Variants in CFAP61 observed in about 807,000 individuals in gnomAD.
CFAP61 encodes cilia- and flagella-associated protein 61.
CFAP61 carries 107 observed loss-of-function variants against 135.6 expected under a neutral mutation model. The observed-to-expected ratio is 0.79, with a 90% CI of 0.67 to 0.93. The LOEUF is 0.93. Ranked by LOEUF, CFAP61 falls within the 40% of genes least tolerant of loss-of-function variation. The probability of loss-of-function intolerance (pLI) is 0.00; values close to 1 mark genes in which losing one functional copy is unlikely to be tolerated. For synonymous variants in CFAP61, 575 were observed against 578.5 expected, an observed-to-expected ratio of 0.99 and a Z score of 0.09; for missense variants, 1,507 against 1,556.2, an observed-to-expected ratio of 0.97 and a Z score of 0.53.
chr20:20,229,622 C>T (rs754548531), intron 18 of CFAP61, among the ~76,000 whole-genome samples: 1 of 152,146 alleles, frequency 6.6e-6, no homozygotes, highest in Non-Finnish European at 1.5e-5. Context: ...GTGTATGTGC[C>T]TGGTTAACGT....
At chr20:20,329,717 C>T (rs747849025) in intron 25 of CFAP61, among the ~76,000 whole-genome samples, 1 of 152,232 alleles carries the variant, frequency 6.6e-6, no homozygotes, top group African/African-American at 2.4e-5. Context: ...TCCGACTGGA[C>T]GTTAGAGCAG....
rs1043427208 is a variant in CFAP61 at position 20,055,972 on chromosome 20, A to C, written c.-36-646A>C. ...CTGTTTTTGTCAACAGCATTTCCCA[A>C]AGTGTCCTTCTGGAACGTTAGGTTC... On this transcript the variant is annotated intron_variant, in intron 1 of 26. Coordinates refer to ENST00000245957, the MANE Select transcript of CFAP61 (RefSeq NM_015585.4). 6 of 1,611,008 alleles carry C rather than the reference A, an allele frequency of 3.7e-6. 1 individual carries two copies. The highest frequency in any genetic ancestry group is 2.2e-5 in the East Asian group (1 of 44,684).
chr20:20,347,823 C>A (rs1288317662), intron 26 of CFAP61, among the ~76,000 whole-genome samples: 1 of 151,326 alleles, frequency 6.6e-6, no homozygotes, highest in African/African-American at 2.4e-5. Context: ...ATCCCAGCTA[C>A]TCAGGAGGCT....
chr20:20,107,100 A>G (rs1277732160), intron 8 of CFAP61, among the ~76,000 whole-genome samples: 4 of 152,184 alleles, frequency 2.6e-5, no homozygotes, highest in African/African-American at 9.6e-5. Flanking sequence ...AGTGGGTCAC[A>G]CCCATTGCAC....
At chr20:20,206,753 C>CATATAT in intron 17 of CFAP61, among the ~76,000 whole-genome samples, 1 of 149,770 alleles carries the variant, frequency 6.7e-6, no homozygotes, top group South Asian at 2.1e-4. Flanking sequence ...ATATATATAC[C>CATATAT]ATATATATAT....
intron 17 of CFAP61, among the ~76,000 whole-genome samples, chr20:20,203,481 T>G (rs2056723163): frequency 6.6e-6 from 1 of 152,188 alleles, no homozygotes; most frequent in Non-Finnish European, 1.5e-5. Context: ...ATTTCTTTAA[T>G]TTTTAGTTTT....
chr20:20,151,107 G>T (rs1211128005), intron 9 of CFAP61, among the ~76,000 whole-genome samples: 1 of 151,746 alleles, frequency 6.6e-6, no homozygotes, highest in Non-Finnish European at 1.5e-5. Context: ...AGCTCCTCAA[G>T]GAGATACCAG....
chr20:20,244,437 A>G (rs1341555578), intron 18 of CFAP61, among the ~76,000 whole-genome samples: 1 of 152,204 alleles, frequency 6.6e-6, no homozygotes, highest in Non-Finnish European at 1.5e-5. Context: ...CACCACATGG[A>G]GGCTGCCAAG....
chr20:20,288,631 A>C lies in CFAP61; in HGVS notation c.2819A>C (p.Lys940Thr). 6.2e-7 allele frequency: 1 copy of C among 1,613,162 alleles called. No homozygotes were observed. Among genetic ancestry groups the C allele is most frequent in the South Asian group, 1.1e-5 (1 of 91,042 alleles). The change falls in exon 23 of 27, where the codon AAG becomes ACG. Residue 940 changes from lysine (K) to threonine (T), a missense_variant. Transcript: ENST00000245957. ...TAGATGTTCTTCAGCTTCTGTGAGA[A>C]GAATGTGGATTATGAAACGTTTAAA... is the stretch of plus-strand genomic sequence containing the variant. ...QCSMFFSFCEKNVDYETFKAL... is the reference protein window; with the variant it reads ...QCSMFFSFCETNVDYETFKAL...
chr20:20,250,266 A>G (rs1481430415), intron 19 of CFAP61, among the ~76,000 whole-genome samples: 1 of 152,192 alleles, frequency 6.6e-6, no homozygotes, highest in Non-Finnish European at 1.5e-5. Context: ...TACTCTTCAC[A>G]TACGCATCCT....
intron 24 of CFAP61, among the ~76,000 whole-genome samples, chr20:20,292,189 G>A (rs1003221417): frequency 1.3e-5 from 2 of 152,176 alleles, no homozygotes; most frequent in African/African-American, 4.8e-5. Context: ...GATTGCTGGG[G>A]AGCATACATA....
intron 15 of CFAP61, among the ~76,000 whole-genome samples, chr20:20,194,723 A>T (rs974091774): frequency 6.6e-6 from 1 of 152,184 alleles, no homozygotes; most frequent in African/African-American, 2.4e-5. Flanking sequence ...GGATGGCAGT[A>T]TCTGGCTTCC....
At chr20:20,174,897 C>T (rs1363473457) in intron 13 of CFAP61, among the ~76,000 whole-genome samples, 8 of 152,334 alleles carry the variant, frequency 5.3e-5, no homozygotes, top group South Asian at 4.1e-4. Context: ...CATCAGTTAG[C>T]CCGAGGTGGC....
At chr20:20,348,974 T>A (rs1257784757) in intron 26 of CFAP61, among the ~76,000 whole-genome samples, 1 of 152,112 alleles carries the variant, frequency 6.6e-6, no homozygotes, top group African/African-American at 2.4e-5. Context: ...ATATTCAGCA[T>A]GGTTTTGGAA....
intron 6 of CFAP61, chr20:20,085,464 C>T: frequency 7.3e-7 from 1 of 1,366,464 alleles, no homozygotes; most frequent in Non-Finnish European, 9.8e-7. Flanking sequence ...TGGGAAAGGG[C>T]TTAAGAGAGA....
At chr20:20,304,299 TGTGTGA>T (rs1485566079) in intron 25 of CFAP61, among the ~76,000 whole-genome samples, 14 of 149,858 alleles carry the variant, frequency 9.3e-5, no homozygotes, top group African/African-American at 2.8e-4. Flanking sequence ...TGTGTGTGTG[TGTGTGA>T]GAGAGAGAGA....
At chr20:20,265,676 T>C in intron 21 of CFAP61, 1 of 586,434 alleles carries the variant, frequency 1.7e-6, no homozygotes, top group East Asian at 2.9e-5. Context: ...ACCTCTCAGG[T>C]AGGTGCTCTT....
intron 16 of CFAP61, among the ~76,000 whole-genome samples, chr20:20,196,994 G>A (rs897767251): frequency 6.6e-6 from 1 of 152,170 alleles, no homozygotes; most frequent in Non-Finnish European, 1.5e-5. Flanking sequence ...ATAATTGGTA[G>A]TACAATATGT....
intron 17 of CFAP61, among the ~76,000 whole-genome samples, chr20:20,223,715 T>C (rs1398249816): frequency 6.6e-6 from 1 of 152,194 alleles, no homozygotes; most frequent in Non-Finnish European, 1.5e-5. Context: ...TGAAATTATA[T>C]TTTGACCAAT....
Sources: allele counts gnomAD v4.1 joint callset (sites outside exome capture counted in the v4.1 genomes callset), GRCh38; gene constraint gnomAD v4.1.1; transcripts MANE v1.5; gene names NCBI Gene and HGNC (gene_info 2026-07-23, HGNC 2026-07-21).